The following TAFA2 variants were observed in gnomAD, a reference collection of about 807,000 sequenced individuals.
TAFA2 encodes chemokine-like protein TAFA-2.
In TAFA2, 7 loss-of-function variants were observed where a neutral mutation model predicts 18.8. The observed-to-expected ratio is 0.37, with a 90% confidence interval of 0.21 to 0.70. The LOEUF (loss-of-function observed/expected upper bound fraction) is 0.70. TAFA2 is among the 30% of genes least tolerant of loss of function. The pLI is 0.53. For synonymous variants in TAFA2, 60 were observed against 54.2 expected (o/e 1.11, Z -0.47); for missense variants, 122 against 158.1 (o/e 0.77, Z 1.23).
At chr12:61,906,339 T>G (rs1015721965) in intron 1 of TAFA2, among the ~76,000 whole-genome samples, 9 of 152,146 alleles carry the variant, frequency 5.9e-5, no homozygotes, top group Admixed American at 3.3e-4. Context: ...CTCATGATAG[T>G]GAATAAGTCT....
At chr12:62,147,053 A>G (rs2062286390) in intron 1 of TAFA2, among the ~76,000 whole-genome samples, 1 of 151,662 alleles carries the variant, frequency 6.6e-6, no homozygotes, top group South Asian at 2.1e-4. Context: ...GTCAGCAAAA[A>G]TGAACCATGA....
At chr12:61,950,581 G>A (rs1878431467) in intron 1 of TAFA2, among the ~76,000 whole-genome samples, 1 of 151,948 alleles carries the variant, frequency 6.6e-6, no homozygotes, top group Non-Finnish European at 1.5e-5. Flanking sequence ...TGCCTATTCA[G>A]GTTCTTTGCC....
intron 1 of TAFA2, among the ~76,000 whole-genome samples, chr12:62,151,066 C>A (rs1479417532): frequency 6.6e-6 from 1 of 152,060 alleles, no homozygotes; most frequent in African/African-American, 2.4e-5. Flanking sequence ...CTTTATTTAG[C>A]CATTTGGGAT....
intron 1 of TAFA2, among the ~76,000 whole-genome samples, chr12:62,058,085 T>C (rs747660240): frequency 7.2e-5 from 11 of 152,142 alleles, no homozygotes; most frequent in Non-Finnish European, 4.4e-5. Flanking sequence ...AAGCTAGACA[T>C]TGTTTTCTTT....
chr12:61,733,819 G>T (rs183383862), intron 4 of TAFA2, among the ~76,000 whole-genome samples: 1 of 151,944 alleles, frequency 6.6e-6, no homozygotes, highest in Non-Finnish European at 1.5e-5. Context: ...GAAAGGCATT[G>T]GTAGCTTGAT....
intron 2 of TAFA2, among the ~76,000 whole-genome samples, chr12:61,839,699 G>A (rs918866748): frequency 6.6e-6 from 1 of 151,858 alleles, no homozygotes; most frequent in African/African-American, 2.4e-5. Context: ...CTAAACATTT[G>A]GTACACACAG....
intron 1 of TAFA2, among the ~76,000 whole-genome samples, chr12:62,138,558 A>G (rs1295995536): frequency 6.6e-6 from 1 of 152,220 alleles, no homozygotes; most frequent in African/African-American, 2.4e-5. Context: ...GAATAAGTAA[A>G]TAAATGGTCA....
In TAFA2 at chr12:61,867,035, CAT is replaced by C. The variant is rs1874384012; in HGVS notation, c.106+283_106+284del. 2.0e-5 allele frequency among the ~76,000 whole-genome samples: 3 copies of C among 151,846 alleles called. No homozygotes were observed. The South Asian group carries it at 6.2e-4, about 32-fold the overall frequency. On this transcript the variant is annotated intron_variant, in intron 2 of 4. Coordinates refer to ENST00000416284, the MANE Select transcript of TAFA2 (RefSeq NM_178539.5). Reference sequence around the variant, plus strand: ...ATGTGTCATGTTGGTGTGCTTCACTCATTAACTCATCATTTAGCATTAGGTAA... The same window carrying C: ...ATGTGTCATGTTGGTGTGCTTCACTCTAACTCATCATTTAGCATTAGGTAA...
rs187122330 is a variant in TAFA2 at position 62,086,887 on chromosome 12, G to A, written c.-2+104372C>T. Among the ~76,000 whole-genome samples, 79 of 152,094 alleles carry A rather than the reference G, an allele frequency of 5.2e-4. 1 individual carries two copies. The highest frequency in any genetic ancestry group is 3.9e-3 in the South Asian group (19 of 4,818). On this transcript the variant is annotated intron_variant, in intron 1 of 4. Coordinates refer to ENST00000416284, the MANE Select transcript of TAFA2 (RefSeq NM_178539.5). ...TAGCCAAAATGTAAAAGCTACCCAA[G>A]TGTCCACTAACAGATAAATGGATAA...
intron 2 of TAFA2, among the ~76,000 whole-genome samples, chr12:61,755,742 A>G (rs1592367948): frequency 6.6e-6 from 1 of 152,180 alleles, no homozygotes; most frequent in East Asian, 1.9e-4. Context: ...TTCCATATTC[A>G]TTTTGTCAAC....
chr12:61,791,947 C>T (rs1870999084), intron 2 of TAFA2, among the ~76,000 whole-genome samples: 1 of 151,418 alleles, frequency 6.6e-6, no homozygotes, highest in Admixed American at 6.6e-5. Context: ...TTCACAATAT[C>T]CAAGATATGA....
intron 1 of TAFA2, among the ~76,000 whole-genome samples, chr12:62,164,208 C>T (rs139788776): frequency 3.5e-4 from 54 of 152,184 alleles, no homozygotes; most frequent in African/African-American, 1.2e-3. Context: ...CATTGATCTG[C>T]GATTTGGTAA....
chr12:61,788,650 A>G (rs1870840716), intron 2 of TAFA2, among the ~76,000 whole-genome samples: 1 of 151,718 alleles, frequency 6.6e-6, no homozygotes, highest in African/African-American at 2.4e-5. Flanking sequence ...AATTTTGATA[A>G]ATCTCTATCA....
intron 4 of TAFA2, among the ~76,000 whole-genome samples, chr12:61,722,602 C>T (rs1358048622): frequency 6.6e-6 from 1 of 152,150 alleles, no homozygotes; most frequent in Non-Finnish European, 1.5e-5. Context: ...TGGAGAAATA[C>T]ATCATCTACA....
intron 1 of TAFA2, among the ~76,000 whole-genome samples, chr12:61,973,241 C>T (rs1879311276): frequency 6.6e-6 from 1 of 151,580 alleles, no homozygotes; most frequent in Non-Finnish European, 1.5e-5. Context: ...AAGATAAGAG[C>T]TCCAAGTGCC....
At chr12:61,893,033 A>T (rs971209525) in intron 1 of TAFA2, among the ~76,000 whole-genome samples, 1 of 152,232 alleles carries the variant, frequency 6.6e-6, no homozygotes, top group Non-Finnish European at 1.5e-5. Context: ...AAGACCCAAG[A>T]TCTAAAACAC....
chr12:61,898,462 T>A (rs1009219256), intron 1 of TAFA2, among the ~76,000 whole-genome samples: 7 of 152,146 alleles, frequency 4.6e-5, no homozygotes, highest in African/African-American at 1.7e-4. Flanking sequence ...TTTCCATACA[T>A]CCTCCGAAAT....
At chr12:61,883,658 T>C (rs939044839) in intron 1 of TAFA2, among the ~76,000 whole-genome samples, 1 of 152,076 alleles carries the variant, frequency 6.6e-6, no homozygotes, top group African/African-American at 2.4e-5. Context: ...ATACCAAATT[T>C]AAGGAGTCAA....
intron 1 of TAFA2, among the ~76,000 whole-genome samples, chr12:61,999,213 A>G (rs546363568): frequency 6.6e-6 from 1 of 152,344 alleles, no homozygotes; most frequent in East Asian, 1.9e-4. Flanking sequence ...TCATTCAGCT[A>G]AAGCATGCCC....
Sources: allele counts gnomAD v4.1 joint callset (sites outside exome capture counted in the v4.1 genomes callset), GRCh38; gene constraint gnomAD v4.1.1; transcripts MANE v1.5; gene names NCBI Gene and HGNC (gene_info 2026-07-23, HGNC 2026-07-21).